CDH19: variants seen among roughly 807,000 people sequenced by gnomAD.
CDH19 encodes the protein cadherin 19, also known as cadherin-19.
Under a neutral mutation model 64.2 loss-of-function variants are expected in CDH19, and 67 were observed. That is an observed-to-expected ratio of 1.04 (90% CI 0.86 to 1.28). CDH19 has a LOEUF of 1.28. Among genes scored for constraint, CDH19 ranks in the 50% most tolerant of loss-of-function variants. The pLI is 0.00. For missense variants in CDH19, 1,030 were observed against 929.0 expected (o/e 1.11, Z -1.41); for synonymous variants, 346 against 319.3 (o/e 1.08, Z -0.89).
intron 7 of CDH19, among the ~76,000 whole-genome samples, chr18:66,543,740 G>A (rs1210211667): frequency 6.6e-6 from 1 of 151,974 alleles, no homozygotes; most frequent in Admixed American, 6.6e-5. Context: ...AAAATTAGCT[G>A]GGCGTGGTGG....
At chr18:66,532,260 C>T (rs1986476164) in intron 8 of CDH19, 1 of 148,934 alleles carries the variant, frequency 6.7e-6, no homozygotes, top group South Asian at 2.1e-4. Flanking sequence ...AGTCATCATA[C>T]AGGGCCTCTC....
chr18:66,524,569 T>TATATATATATATATAAAA lies in CDH19; in HGVS notation c.1458+5275_1458+5276insTTTTATATATATATATAT, dbSNP rs1276593665. ...ATATATATATATATATATATATATA[T>TATATATATATATATAAAA]AAACATCATCATGCACCATAAATAT... On this transcript the variant is annotated intron_variant, in intron 9 of 11. Transcript: ENST00000262150. Among the ~76,000 whole-genome samples the TATATATATATATATAAAA allele has an allele frequency of 2.2e-5, 3 of 135,164 alleles. No homozygotes were observed. In the South Asian group the frequency reaches 7.5e-4, roughly 34 times the overall value. 88.7% of individuals were successfully genotyped at this position (135,164 alleles called of 152,430 possible).
intron 1 of CDH19, among the ~76,000 whole-genome samples, chr18:66,577,131 A>C (rs1205389841): frequency 6.6e-6 from 1 of 151,816 alleles, no homozygotes. Context: ...AAAAATGTCA[A>C]TTCCCTCCAA....
chr18:66,583,312 A>G (rs1242363462), intron 1 of CDH19, among the ~76,000 whole-genome samples: 1 of 152,104 alleles, frequency 6.6e-6, no homozygotes, highest in Non-Finnish European at 1.5e-5. Context: ...CGTGTGAGAA[A>G]AATAGGAATA....
At chr18:66,514,093 G>A (rs1326250760) in intron 9 of CDH19, among the ~76,000 whole-genome samples, 2 of 151,378 alleles carry the variant, frequency 1.3e-5, no homozygotes, top group Non-Finnish European at 3.0e-5. Flanking sequence ...TTGTTCCCAT[G>A]TTATAAATGT....
At chr18:66,584,578 A>G (rs1011498808) in intron 1 of CDH19, among the ~76,000 whole-genome samples, 3 of 152,090 alleles carry the variant, frequency 2.0e-5, no homozygotes, top group African/African-American at 7.2e-5. Context: ...GCACACATGA[A>G]TATACATACC....
chr18:66,539,968 A>C (rs1398290719), intron 7 of CDH19, among the ~76,000 whole-genome samples: 1 of 152,122 alleles, frequency 6.6e-6, no homozygotes, highest in East Asian at 1.9e-4. Flanking sequence ...CTTCCTCTAA[A>C]TGTATAGGCA....
intron 3 of CDH19, among the ~76,000 whole-genome samples, chr18:66,563,870 C>T (rs936840275): frequency 2.0e-5 from 3 of 151,782 alleles, no homozygotes; most frequent in Non-Finnish European, 2.9e-5. Flanking sequence ...TTTTGTGCTG[C>T]ATTTTTGACA....
Position 66,572,031 on chromosome 18 carries a change from C to CACACCTCTG in CDH19, c.173_174insCAGAGGTGT (p.Thr58_Thr59insArgGlyVal), listed in dbSNP as rs1568203959. ...GTACCTGGCCGATGTGATGACTAGT[C>CACACCTCTG]GTATTCATTTCCTCTGGTACAAAAA... is the stretch of plus-strand genomic sequence containing the variant. On this transcript the variant is annotated inframe_insertion, in exon 2 of 12. Coordinates refer to ENST00000262150, the MANE Select transcript of CDH19 (RefSeq NM_021153.4). 1 of 1,610,206 alleles carries CACACCTCTG rather than the reference C, an allele frequency of 6.2e-7. No homozygotes were observed. The highest frequency in any genetic ancestry group is 8.5e-7 in the Non-Finnish European group (1 of 1,177,480).
chr18:66,526,841 T>A lies in CDH19; in HGVS notation c.1458+3004A>T, dbSNP rs9950363. On this transcript the variant is annotated intron_variant, in intron 9 of 11. Coordinates refer to ENST00000262150, the MANE Select transcript of CDH19 (RefSeq NM_021153.4). ...TCACTATTTCATCATTCTTTTTTTT[T>A]AAAATTGTGTTGCTCAAAGTATTAC... is the stretch of plus-strand genomic sequence containing the variant. 1.7e-3 allele frequency among the ~76,000 whole-genome samples: 259 copies of A among 152,118 alleles called. 2 individuals carry two copies. Among genetic ancestry groups the A allele is most frequent in the African/African-American group, 6.0e-3 (251 of 41,552 alleles).
chr18:66,565,580 G>T (rs1334199844), intron 3 of CDH19, among the ~76,000 whole-genome samples: 1 of 151,774 alleles, frequency 6.6e-6, no homozygotes, highest in Non-Finnish European at 1.5e-5. Context: ...AGATAATGAA[G>T]AATTGAAGTT....
At chr18:66,545,319 G>A (rs1369562981) in intron 5 of CDH19, among the ~76,000 whole-genome samples, 2 of 151,824 alleles carry the variant, frequency 1.3e-5, no homozygotes, top group East Asian at 1.9e-4. Flanking sequence ...AGGGAATCCC[G>A]TATCTACCTT....
intron 3 of CDH19, among the ~76,000 whole-genome samples, chr18:66,555,910 AT>A (rs2144527915): frequency 6.6e-6 from 1 of 151,832 alleles, no homozygotes; most frequent in East Asian, 1.9e-4. Flanking sequence ...CTAGAATTAT[AT>A]TTCCTATCTT....
At chr18:66,537,121 A>G (rs778270522) in intron 7 of CDH19, among the ~76,000 whole-genome samples, 1 of 151,964 alleles carries the variant, frequency 6.6e-6, no homozygotes, top group African/African-American at 2.4e-5. Flanking sequence ...ATTAATCGCT[A>G]TAATTTAATT....
intron 1 of CDH19, among the ~76,000 whole-genome samples, chr18:66,584,562 A>C (rs1400298973): frequency 6.6e-6 from 1 of 152,062 alleles, no homozygotes; most frequent in Admixed American, 6.6e-5. Flanking sequence ...ATGCATTTTC[A>C]CTCATGCACA....
At chr18:66,557,158 C>A (rs994912561) in intron 3 of CDH19, among the ~76,000 whole-genome samples, 1 of 151,914 alleles carries the variant, frequency 6.6e-6, no homozygotes, top group Non-Finnish European at 1.5e-5. Context: ...GACATGGAAA[C>A]AACTCTCATT....
chr18:66,566,899 T>G (rs564767273), intron 3 of CDH19, among the ~76,000 whole-genome samples: 1 of 151,940 alleles, frequency 6.6e-6, no homozygotes, highest in Admixed American at 6.6e-5. Flanking sequence ...GTGTTATATG[T>G]TGATGACTTC....
intron 7 of CDH19, among the ~76,000 whole-genome samples, chr18:66,536,292 TA>T (rs2144448332): frequency 6.6e-6 from 1 of 151,906 alleles, no homozygotes; most frequent in South Asian, 2.1e-4. Context: ...TGCTACTTTG[TA>T]GCTAGGTATT....
rs542416159 is a variant in CDH19 at position 66,590,789 on chromosome 18, A to G, written c.-113+13165T>C. ...TAAATGAAATTTCTCATATTTTTCCATAGTTCATTTAAAAGCATGGTGAGC... is the reference window on the plus strand; with the variant it reads ...TAAATGAAATTTCTCATATTTTTCCGTAGTTCATTTAAAAGCATGGTGAGC... On this transcript the variant is annotated intron_variant, in intron 1 of 11. Transcript: ENST00000262150. 1.1e-4 allele frequency among the ~76,000 whole-genome samples: 17 copies of G among 152,116 alleles called. 1 individual carries two copies. In the South Asian group the frequency reaches 3.5e-3, roughly 31 times the overall value.
Sources: gnomAD v4.1 joint callset for allele counts (sites outside exome capture counted in the v4.1 genomes callset) on GRCh38, gnomAD v4.1.1 for gene constraint, MANE v1.5 for transcripts, NCBI Gene and HGNC (gene_info 2026-07-23, HGNC 2026-07-21) for gene names.